Variants in RELN observed in about 807,000 individuals in gnomAD.
RELN encodes reelin.
In RELN, 108 loss-of-function variants were observed where a neutral mutation model predicts 427.6. That is an observed-to-expected ratio of 0.25 (90% CI 0.22 to 0.30). The LOEUF (loss-of-function observed/expected upper bound fraction) is 0.30. RELN is among the 10% of genes least tolerant of loss of function. The pLI is 1.00. For synonymous variants in RELN, 1,524 were observed against 1,513.4 expected (o/e 1.01, Z -0.16); for missense variants, 3,715 against 4,302.8 (o/e 0.86, Z 3.82).
chr7:103,839,228 T>G (rs10215861), intron 2 of RELN, among the ~76,000 whole-genome samples: 19,870 of 151,020 alleles, frequency 0.13, 1,435 homozygotes, highest in East Asian at 0.27. Context: ...TCACTAATCC[T>G]AAAACCATCC....
chr7:103,609,643 T>C (rs1831901787), intron 22 of RELN, among the ~76,000 whole-genome samples: 2 of 152,172 alleles, frequency 1.3e-5, no homozygotes, highest in African/African-American at 2.4e-5. Context: ...AATAATCAAA[T>C]AGGCATTTTT....
At chr7:103,539,921 G>C (rs1307327388) in intron 44 of RELN, among the ~76,000 whole-genome samples, 4 of 152,210 alleles carry the variant, frequency 2.6e-5, no homozygotes, top group Admixed American at 6.5e-5. Flanking sequence ...TATCACGCTT[G>C]ATAAAGTCCC....
chr7:103,833,605 G>C lies in RELN; in HGVS notation c.405C>G (p.His135Gln), dbSNP rs756850823. Residue 135 changes from histidine to glutamine, a missense_variant, in exon 3 of 65, where the codon CAC becomes CAG. This residue lies in a region of RELN where 2,208 missense variants were observed against 2,361.7 expected (regional missense o/e 0.93). Transcript: ENST00000428762. ...MCSVVASHVS[H>Q]LPTTNLSFIW... ...TGAAACTGAGGTTGGTTGTGGGCAG[G>C]TGACTCACGTGAGAGGCTACCACAC... is the stretch of plus-strand genomic sequence containing the variant. 5.6e-6 allele frequency: 9 copies of C among 1,613,728 alleles called. No homozygotes were observed. Among genetic ancestry groups the C allele is most frequent in the Non-Finnish European group, 6.8e-6 (8 of 1,179,640 alleles).
chr7:103,853,749 G>T (rs558479028), intron 2 of RELN, among the ~76,000 whole-genome samples: 1 of 151,628 alleles, frequency 6.6e-6, no homozygotes, highest in African/African-American at 2.4e-5. Context: ...AAATATGTTA[G>T]AACATGAGTT....
chr7:103,820,036 CAAT>C (rs1792975895), intron 3 of RELN, among the ~76,000 whole-genome samples: 1 of 151,808 alleles, frequency 6.6e-6, no homozygotes, highest in South Asian at 2.1e-4. Context: ...ACAAAATATA[CAAT>C]AATAAAATCT....
intron 6 of RELN, among the ~76,000 whole-genome samples, chr7:103,733,418 G>A (rs573770115): frequency 7.5e-6 from 1 of 133,168 alleles, no homozygotes; most frequent in East Asian, 2.1e-4. Context: ...AATACCATTT[G>A]ACCCAGCCAT....
In RELN at chr7:103,928,947, T is replaced by G. The variant is rs373154604; in HGVS notation, c.227-11762A>C. 9.7e-4 allele frequency among the ~76,000 whole-genome samples: 147 copies of G among 152,322 alleles called. 1 individual carries two copies. In the South Asian group the frequency reaches 0.017, roughly 18 times the overall value. The stretch of plus-strand genomic sequence containing the variant: ...TTTTCTGAATTTGGCAGGTATATGT[T>G]TAAAGAATATTTAGCCAATGTTACA... On this transcript the variant is annotated intron_variant, in intron 1 of 64. Transcript: ENST00000428762.
chr7:103,803,318 T>A (rs1022565947), intron 3 of RELN, among the ~76,000 whole-genome samples: 3 of 152,144 alleles, frequency 2.0e-5, no homozygotes, highest in Non-Finnish European at 4.4e-5. Flanking sequence ...TTTATATATT[T>A]AGTAATTTTA....
intron 1 of RELN, among the ~76,000 whole-genome samples, chr7:103,944,696 G>T (rs1796184108): frequency 6.6e-6 from 1 of 152,148 alleles, no homozygotes; most frequent in African/African-American, 2.4e-5. Context: ...AGGTTGCCAG[G>T]TCATGGGCTG....
At chr7:103,878,679 C>G (rs530183899) in intron 2 of RELN, among the ~76,000 whole-genome samples, 1 of 152,286 alleles carries the variant, frequency 6.6e-6, no homozygotes, top group East Asian at 1.9e-4. Context: ...ATTACACAAT[C>G]ATTTGTACCC....
intron 10 of RELN, 119 bp downstream of exon 10, chr7:103,697,733 TG>T: frequency 7.4e-7 from 1 of 1,346,864 alleles, no homozygotes; most frequent in African/African-American, 1.5e-5. Flanking sequence ...GTATATTATC[TG>T]GTCCTTTAAT....
At chr7:103,717,491 A>ATT (rs398005661) in intron 8 of RELN, among the ~76,000 whole-genome samples, 74 of 150,702 alleles carry the variant, frequency 4.9e-4, no homozygotes, top group Middle Eastern at 3.4e-3. Flanking sequence ...AAAAAAAAAA[A>ATT]TTTGTTTTAA....
rs1450912932 is a variant in RELN at position 103,546,288 on chromosome 7, CATA to C, written c.6303-947_6303-945del. On this transcript the variant is annotated intron_variant, in intron 41 of 64. Coordinates refer to ENST00000428762, the MANE Select transcript of RELN (RefSeq NM_005045.4). ...TGGCTTCATTCACTTAGCATAACAG[CATA>C]ATGTTTTCAAGGTTCATTCATGGTG... 4.6e-5 allele frequency among the ~76,000 whole-genome samples: 7 copies of C among 152,192 alleles called. No individual in the cohort carries two copies. In the East Asian group the frequency reaches 1.3e-3, roughly 29 times the overall value.
chr7:103,926,921 A>G (rs1795757384), intron 1 of RELN, among the ~76,000 whole-genome samples: 1 of 152,152 alleles, frequency 6.6e-6, no homozygotes, highest in Non-Finnish European at 1.5e-5. Context: ...CTGGGATTAC[A>G]GGCGTGAGCC....
At chr7:103,975,630 C>T (rs1428179896) in intron 1 of RELN, among the ~76,000 whole-genome samples, 1 of 151,482 alleles carries the variant, frequency 6.6e-6, no homozygotes, top group African/African-American at 2.4e-5. Flanking sequence ...ACTGCAAGCT[C>T]CGCCTCCCGG....
intron 1 of RELN, among the ~76,000 whole-genome samples, chr7:103,974,184 T>C (rs1796823582): frequency 6.6e-6 from 1 of 152,106 alleles, no homozygotes; most frequent in African/African-American, 2.4e-5. Context: ...CTTAACATTT[T>C]CTGTGACAGG....
intron 2 of RELN, among the ~76,000 whole-genome samples, chr7:103,875,123 A>G (rs1794448121): frequency 6.8e-6 from 1 of 146,046 alleles, no homozygotes; most frequent in African/African-American, 2.5e-5. Flanking sequence ...TTCCCTATTT[A>G]ATAAATTGTG....
Position 103,486,181 on chromosome 7 carries a change from A to G in RELN, c.9983+16T>C, listed in dbSNP as rs765202086. The G allele has an allele frequency of 9.3e-6, 15 of 1,610,906 alleles. No homozygotes were observed. In the South Asian group the frequency reaches 1.4e-4, roughly 15 times the overall value. ...ACTAATTCTATGTCTGGACTAAAAT[A>G]TGGAGGTTTGGGTACCTTGCTCGAG... On this transcript the variant is annotated intron_variant, in intron 61 of 64. Coordinates refer to ENST00000428762, the MANE Select transcript of RELN (RefSeq NM_005045.4).
At chr7:103,706,225 A>T (rs1265581360) in intron 8 of RELN, among the ~76,000 whole-genome samples, 1 of 121,652 alleles carries the variant, frequency 8.2e-6, no homozygotes, top group African/African-American at 4.5e-5. Context: ...TTCACTTGTT[A>T]AAAAAAAAAA....
Sources: allele counts gnomAD v4.1 joint callset (sites outside exome capture counted in the v4.1 genomes callset), GRCh38; gene constraint gnomAD v4.1.1; regional missense constraint gnomAD v4.1.1; transcripts MANE v1.5; gene names NCBI Gene and HGNC (gene_info 2026-07-23, HGNC 2026-07-21).